SLC4A7: variants seen among roughly 807,000 people sequenced by gnomAD.
SLC4A7 encodes solute carrier family 4 member 7, also known as sodium bicarbonate cotransporter 3.
In SLC4A7, 51 loss-of-function variants were observed where a neutral mutation model predicts 137.6. That is an observed-to-expected ratio of 0.37 (90% CI 0.30 to 0.47). SLC4A7 has a LOEUF of 0.47. Among genes scored for constraint, SLC4A7 ranks in the 20% least tolerant of loss-of-function variants. The pLI is 1.00. For synonymous variants in SLC4A7, 542 were observed against 518.6 expected (o/e 1.05, Z -0.61); for missense variants, 1,247 against 1,525.4 (o/e 0.82, Z 3.04).
chr3:27,386,079 TAAAGAG>T, intron 22 of SLC4A7, 56 bp from the exon 23 acceptor site: 1 of 1,347,464 alleles, frequency 7.4e-7, no homozygotes. Flanking sequence ...CTGTATCACT[TAAAGAG>T]GAAAAGCATA....
chr3:27,378,842 CTTT>C (rs1003278821), intron 25 of SLC4A7, among the ~76,000 whole-genome samples: 2 of 152,102 alleles, frequency 1.3e-5, no homozygotes, highest in African/African-American at 4.8e-5. Context: ...GGTTTCTGAT[CTTT>C]TTTATGTTTA....
Position 27,403,139 on chromosome 3 carries a change from G to T in SLC4A7, c.2321C>A (p.Ser774Ter). Reference protein sequence around the residue: ...HNNLDKLTSYSCVCTEPPNPS... With the variant: ...HNNLDKLTSY ...ATTAGGAGAAAAGAGAAATACTTAC[G>T]AGTAGCTGGTCAGTTTATCTAAGTT... Residue 774 changes from serine to a stop codon, truncating the protein, a stop_gained and splice_region_variant, in exon 15 of 26, where the codon TCA becomes TAA. Transcript: ENST00000454389. LOFTEE classifies it high-confidence loss of function. The T allele has an allele frequency of 1.3e-6, 2 of 1,599,396 alleles. No homozygotes were observed. Among genetic ancestry groups the T allele is most frequent in the South Asian group, 1.1e-5 (1 of 87,954 alleles).
At chr3:27,384,217 G>C (rs116529431) in intron 23 of SLC4A7, among the ~76,000 whole-genome samples, 2,485 of 152,236 alleles carry the variant, frequency 0.016, 21 homozygotes, top group Non-Finnish European at 0.023. Context: ...GAATCTCCCA[G>C]CATTCCTTAC....
chr3:27,421,034 A>G (rs1011116014), intron 9 of SLC4A7, among the ~76,000 whole-genome samples: 2 of 152,014 alleles, frequency 1.3e-5, no homozygotes, highest in Non-Finnish European at 2.9e-5. Context: ...ACCTCAGGTG[A>G]TCCACCCACC....
In SLC4A7 at chr3:27,461,098, C is replaced by T. The variant is rs1466103515; in HGVS notation, c.61-8600G>A. On this transcript the variant is annotated intron_variant, in intron 1 of 25. Transcript: ENST00000454389. ...AGATTCCACTGTCTATAGGAAAATC[C>T]ATCAATTTGAATGTGGAGCTAATGT... is the stretch of plus-strand genomic sequence containing the variant. Among the ~76,000 whole-genome samples the T allele has an allele frequency of 2.0e-5, 3 of 152,000 alleles. No individual in the cohort carries two copies. In the East Asian group the frequency reaches 5.8e-4, roughly 29 times the overall value.
At chr3:27,441,147 T>A (rs1380261528) in intron 3 of SLC4A7, among the ~76,000 whole-genome samples, 4 of 152,216 alleles carry the variant, frequency 2.6e-5, no homozygotes, top group Admixed American at 2.6e-4. Context: ...GAGATGAATA[T>A]CTTGCAGGCT....
rs1559593704 is a variant in SLC4A7, at chr3:27,373,225, T to C, written c.*3539A>G. 1 of 152,156 alleles carries C rather than the reference T, an allele frequency of 6.6e-6. No homozygotes were observed. Among genetic ancestry groups the C allele is most frequent in the Non-Finnish European group, 1.5e-5 (1 of 67,980 alleles). 9.4% of individuals were successfully genotyped at this position (152,156 alleles called of 1,614,324 possible). ...TGCTAATTAAATTTCATTTTAAAAA[T>C]GATCTTTGGATGATTACATTTCCAA... On this transcript the variant is annotated 3_prime_UTR_variant, in exon 26 of 26. Transcript: ENST00000454389.
chr3:27,457,120 T>C (rs1316778966), intron 1 of SLC4A7: 1 of 172,652 alleles, frequency 5.8e-6, no homozygotes, highest in Non-Finnish European at 1.2e-5. Context: ...AGCACCCCTC[T>C]AACTACTGGA....
chr3:27,446,594 T>C (rs2057654368), intron 3 of SLC4A7, among the ~76,000 whole-genome samples: 1 of 152,210 alleles, frequency 6.6e-6, no homozygotes, highest in Non-Finnish European at 1.5e-5. Flanking sequence ...ATAAAAATAC[T>C]GTGTGCCTTT....
At position 27,451,910 on chromosome 3, in the gene SLC4A7, A is replaced by G. The variant is rs575982112; in HGVS notation, c.142+507T>C. Among the ~76,000 whole-genome samples, 4 of 152,236 alleles carry G rather than the reference A, an allele frequency of 2.6e-5. No homozygotes were observed. The East Asian group carries it at 5.8e-4, about 22-fold the overall frequency. On this transcript the variant is annotated intron_variant, in intron 2 of 25. Transcript: ENST00000454389. Reference sequence around the variant, plus strand: ...TCTTTGCAGCTATTCTGTAAATCTAAAATTATTTTCAAAAGAAAAGAAACC... The same window carrying G: ...TCTTTGCAGCTATTCTGTAAATCTAGAATTATTTTCAAAAGAAAAGAAACC...
At position 27,430,645 on chromosome 3, in the gene SLC4A7, AT is replaced by A. The variant is rs565108020; in HGVS notation, c.1150+652del. Among the ~76,000 whole-genome samples the A allele has an allele frequency of 2.7e-5, 4 of 150,918 alleles. No individual in the cohort carries two copies. The East Asian group carries it at 7.8e-4, about 29-fold the overall frequency. On this transcript the variant is annotated intron_variant, in intron 7 of 25. Coordinates refer to ENST00000454389, the MANE Select transcript of SLC4A7 (RefSeq NM_001321103.2). Reference sequence around the variant, plus strand: ...AAAAAGTTCACCCAGCCTGGCCAGCATGGTGAAAACATGTCTCCACAAAAAA... The same window carrying A: ...AAAAAGTTCACCCAGCCTGGCCAGCAGGTGAAAACATGTCTCCACAAAAAA...
intron 1 of SLC4A7, among the ~76,000 whole-genome samples, chr3:27,455,573 T>A (rs2058351287): frequency 6.7e-6 from 1 of 148,334 alleles, no homozygotes; most frequent in Non-Finnish European, 1.5e-5. Flanking sequence ...TAACTAAATT[T>A]TTTTTTTTTT....
At chr3:27,432,904 T>C (rs56859509) in intron 6 of SLC4A7, among the ~76,000 whole-genome samples, 4,647 of 152,240 alleles carry the variant, frequency 0.031, 252 homozygotes, top group African/African-American at 0.11. Context: ...AAATGCGCTA[T>C]ACATTGGCTT....
At chr3:27,455,627 GCA>G (rs2058356528) in intron 1 of SLC4A7, among the ~76,000 whole-genome samples, 1 of 139,810 alleles carries the variant, frequency 7.2e-6, no homozygotes, top group Non-Finnish European at 1.5e-5. Context: ...AGGCTGGAGT[GCA>G]GTCTTTGGGA....
chr3:27,382,345 C>T (rs1002816878), intron 24 of SLC4A7, among the ~76,000 whole-genome samples: 1 of 151,984 alleles, frequency 6.6e-6, no homozygotes, highest in Non-Finnish European at 1.5e-5. Context: ...GAACTCCTGA[C>T]CTCAGGTGAT....
At chr3:27,388,767 T>G (rs143537115) in intron 22 of SLC4A7, among the ~76,000 whole-genome samples, 2 of 152,084 alleles carry the variant, frequency 1.3e-5, no homozygotes, top group Non-Finnish European at 2.9e-5. Flanking sequence ...TAATGTCAAA[T>G]AAAAAATAAT....
At chr3:27,378,326 T>C (rs967476002) in intron 25 of SLC4A7, among the ~76,000 whole-genome samples, 4 of 152,174 alleles carry the variant, frequency 2.6e-5, no homozygotes, top group African/African-American at 9.7e-5. Context: ...GCTATATGAC[T>C]GAAGGCCTAG....
chr3:27,434,498 C>T (rs1450117632), intron 5 of SLC4A7, among the ~76,000 whole-genome samples: 3 of 152,082 alleles, frequency 2.0e-5, no homozygotes, highest in Admixed American at 6.6e-5. Context: ...ATATCAGGAC[C>T]CACTCAGTCA....
chr3:27,449,178 G>A (rs1423652468), intron 2 of SLC4A7, among the ~76,000 whole-genome samples: 2 of 151,858 alleles, frequency 1.3e-5, no homozygotes, highest in Admixed American at 6.6e-5. Flanking sequence ...GGGATTACAG[G>A]TATGAGCCAC....
Sources: allele counts gnomAD v4.1 joint callset (sites outside exome capture counted in the v4.1 genomes callset), GRCh38; gene constraint gnomAD v4.1.1; transcripts MANE v1.5; gene names NCBI Gene and HGNC (gene_info 2026-07-23, HGNC 2026-07-21).